Variants in ENOX2 observed in about 807,000 individuals in gnomAD.
The protein encoded by ENOX2 is ecto-NOX disulfide-thiol exchanger 2, also known as APK1 antigen.
In ENOX2, 36 loss-of-function variants were observed where a neutral mutation model predicts 45.0. The ratio of observed to expected loss-of-function variants is 0.80; its 90% CI spans 0.61 to 1.06. The LOEUF (loss-of-function observed/expected upper bound fraction) is 1.06, where lower values mean the gene tolerates loss of function less well. Among genes scored for constraint, ENOX2 ranks in the 50% least tolerant of loss-of-function variants. The probability of loss-of-function intolerance (pLI) is 0.00; values close to 1 mark genes in which losing one functional copy is unlikely to be tolerated. For synonymous variants in ENOX2, 174 were observed against 152.3 expected, an observed-to-expected ratio of 1.14 and a Z score of -1.05; for missense variants, 423 against 462.5, an observed-to-expected ratio of 0.91 and a Z score of 0.78.
In ENOX2 at chrX:130,767,883, T is replaced by C. The variant is rs1305267193; in HGVS notation, c.-39+15664A>G. On this transcript the variant is annotated intron_variant, in intron 3 of 14. Transcript: ENST00000394363. Reference sequence around the variant, plus strand: ...CCACACAGTGGTAAAACATTTTCATTTGGGGGAGCATATTGGATTTTGCCT... The same window carrying C: ...CCACACAGTGGTAAAACATTTTCATCTGGGGGAGCATATTGGATTTTGCCT... Among the ~76,000 whole-genome samples, 4 of 111,828 alleles carry C rather than the reference T, an allele frequency of 3.6e-5. No individual in the cohort carries two copies. The South Asian group carries it at 1.1e-3, about 31-fold the overall frequency.
At chrX:130,681,674 C>A (rs1341449282) in intron 5 of ENOX2, among the ~76,000 whole-genome samples, 1 of 112,006 alleles carries the variant, frequency 8.9e-6, no homozygotes, top group African/African-American at 3.2e-5. Flanking sequence ...GGATGCTGTT[C>A]CCACCTTACA....
chrX:130,685,311 A>G (rs2037418539), intron 5 of ENOX2, among the ~76,000 whole-genome samples: 1 of 111,509 alleles, frequency 9.0e-6, no homozygotes, highest in South Asian at 3.8e-4. Context: ...CTTCTAGGCA[A>G]TTAAAAGGAC....
At chrX:130,849,586 C>T (rs1007073598) in intron 2 of ENOX2, among the ~76,000 whole-genome samples, 1 of 112,130 alleles carries the variant, frequency 8.9e-6, no homozygotes, top group African/African-American at 3.2e-5. Context: ...TTCTTTCTTT[C>T]AGTTATGCTC....
intron 4 of ENOX2, among the ~76,000 whole-genome samples, chrX:130,690,011 T>C (rs2037551030): frequency 9.0e-6 from 1 of 110,965 alleles, no homozygotes; most frequent in African/African-American, 3.3e-5. Flanking sequence ...GAGGATTCCA[T>C]GAGTCCTGAA....
At position 130,783,709 on chromosome X, in the gene ENOX2, G is replaced by A. The variant is rs1396760971; in HGVS notation, c.-182-19C>T. ...TTCAATCCTAAAGAAGAAAAAGAAAGCCAAAGTCCAGACTCCATTAAGGAC... is the reference window on the plus strand; with the variant it reads ...TTCAATCCTAAAGAAGAAAAAGAAAACCAAAGTCCAGACTCCATTAAGGAC... On this transcript the variant is annotated intron_variant, in intron 2 of 14. Coordinates refer to ENST00000394363, the MANE Select transcript of ENOX2 (RefSeq NM_006375.4). 3.4e-6 allele frequency: 1 copy of A among 291,929 alleles called. No individual in the cohort carries two copies. The highest frequency in any genetic ancestry group is 4.3e-5 in the Admixed American group (1 of 23,286). The allele number at this position is 291,929 out of a possible 1,213,427, so 24.1% of individuals were successfully genotyped here.
At chrX:130,657,100 T>C (rs1375506338) in intron 9 of ENOX2, among the ~76,000 whole-genome samples, 1 of 112,115 alleles carries the variant, frequency 8.9e-6, no homozygotes, top group Non-Finnish European at 1.9e-5. Context: ...TTTTATAGTT[T>C]TACTCAACAT....
intron 3 of ENOX2, among the ~76,000 whole-genome samples, chrX:130,758,064 G>A (rs754479513): frequency 8.9e-6 from 1 of 112,211 alleles, no homozygotes; most frequent in Non-Finnish European, 1.9e-5. Context: ...GCCTCCCAAA[G>A]TGCTGGGATT....
chrX:130,704,520 AAAATCTTTCTATGGCTTTTT>A (rs1388374067), intron 3 of ENOX2, among the ~76,000 whole-genome samples: 1 of 111,126 alleles, frequency 9.0e-6, no homozygotes, highest in Non-Finnish European at 1.9e-5. Flanking sequence ...TAGCCATAGA[AAAATCTTTCTATGGCTTTTT>A]TCCTACCTCC....
chrX:130,718,184 A>G (rs2038378184), intron 3 of ENOX2, among the ~76,000 whole-genome samples: 2 of 111,991 alleles, frequency 1.8e-5, no homozygotes. Context: ...GATATCAGTT[A>G]GCAGTGAATC....
At chrX:130,727,111 T>C (rs1476309144) in intron 3 of ENOX2, among the ~76,000 whole-genome samples, 1 of 112,721 alleles carries the variant, frequency 8.9e-6, no homozygotes, top group Non-Finnish European at 1.9e-5. Context: ...CAATGCCTAA[T>C]GGGCATACCT....
At chrX:130,768,916 G>A (rs920919901) in intron 3 of ENOX2, among the ~76,000 whole-genome samples, 1 of 111,290 alleles carries the variant, frequency 9.0e-6, no homozygotes, top group Non-Finnish European at 1.9e-5. Flanking sequence ...GGGAGTGACA[G>A]GGTAGGGTAG....
intron 3 of ENOX2, among the ~76,000 whole-genome samples, chrX:130,738,885 T>C (rs2038918728): frequency 8.9e-6 from 1 of 111,937 alleles, no homozygotes; most frequent in African/African-American, 3.2e-5. Flanking sequence ...AGCTGCTCTA[T>C]TACCTGCTGA....
At chrX:130,749,481 T>A (rs1349759650) in intron 3 of ENOX2, among the ~76,000 whole-genome samples, 4 of 111,686 alleles carry the variant, frequency 3.6e-5, no homozygotes, top group Admixed American at 2.8e-4. Flanking sequence ...TGTGTTTGCT[T>A]AAAAACCAAA....
At chrX:130,804,339 T>C (rs745400269) in intron 2 of ENOX2, among the ~76,000 whole-genome samples, 1 of 107,127 alleles carries the variant, frequency 9.3e-6, no homozygotes, top group African/African-American at 3.7e-5. Context: ...TCCTTGTTTA[T>C]AGGAAATGGG....
At chrX:130,894,686 C>T (rs2079033535) in intron 2 of ENOX2, among the ~76,000 whole-genome samples, 1 of 111,419 alleles carries the variant, frequency 9.0e-6, no homozygotes, top group South Asian at 3.8e-4. Context: ...TGTGTTCACT[C>T]ATCCCTACAT....
chrX:130,890,419 T>A (rs1000725213), intron 2 of ENOX2, among the ~76,000 whole-genome samples: 9 of 111,891 alleles, frequency 8.0e-5, no homozygotes, highest in African/African-American at 2.9e-4. Flanking sequence ...CCTGACTGAT[T>A]TTTTTCAAAT....
intron 3 of ENOX2, among the ~76,000 whole-genome samples, chrX:130,778,524 G>A (rs1484528099): frequency 7.2e-5 from 8 of 111,727 alleles, no homozygotes; most frequent in African/African-American, 1.3e-4. Flanking sequence ...TAACACTCCT[G>A]GTGATGCTAG....
chrX:130,833,596 G>A (rs190672015), intron 2 of ENOX2, among the ~76,000 whole-genome samples: 358 of 111,181 alleles, frequency 3.2e-3, no homozygotes, highest in African/African-American at 0.011. Context: ...TTGTCTTTGG[G>A]GATGCCTGAC....
At chrX:130,683,223 C>T (rs1376775352) in intron 5 of ENOX2, among the ~76,000 whole-genome samples, 1 of 111,844 alleles carries the variant, frequency 8.9e-6, no homozygotes, top group Non-Finnish European at 1.9e-5. Context: ...AACCGATAAG[C>T]CACTTGAATC....
Sources: allele counts gnomAD v4.1 joint callset (sites outside exome capture counted in the v4.1 genomes callset), GRCh38; gene constraint gnomAD v4.1.1; transcripts MANE v1.5; gene names NCBI Gene and HGNC (gene_info 2026-07-23, HGNC 2026-07-21).